Variants in ANO6 observed in about 807,000 individuals in gnomAD.
ANO6 encodes the protein anoctamin 6, also known as anoctamin-6.
Under a neutral mutation model 117.5 loss-of-function variants are expected in ANO6, and 106 were observed. The ratio of observed to expected loss-of-function variants is 0.90; its 90% CI spans 0.77 to 1.06. The LOEUF (loss-of-function observed/expected upper bound fraction) is 1.06, where lower values mean the gene tolerates loss of function less well. Among genes scored for constraint, ANO6 ranks in the 50% least tolerant of loss-of-function variants. The pLI is 0.00. For missense variants in ANO6, 955 were observed against 1,121.1 expected, an observed-to-expected ratio of 0.85 and a Z score of 2.12; for synonymous variants, 367 against 385.1, an observed-to-expected ratio of 0.95 and a Z score of 0.55.
Position 45,432,204 on chromosome 12 carries a change from CAT to C in ANO6, c.*2894_*2895del. The C allele has an allele frequency of 1.0e-6, 1 of 984,138 alleles. No individual in the cohort carries two copies. Among genetic ancestry groups the C allele is most frequent in the Non-Finnish European group, 1.2e-6 (1 of 829,218 alleles). The allele number at this position is 984,138 out of a possible 1,614,324, so 61.0% of individuals were successfully genotyped here. Reference sequence around the variant, plus strand: ...AGAACTATTCATGATGCTTTTCACACATTGTGGCATAAGATGTAAAGTTTGTA... The same window carrying C: ...AGAACTATTCATGATGCTTTTCACACTGTGGCATAAGATGTAAAGTTTGTA... On this transcript the variant is annotated 3_prime_UTR_variant, in exon 20 of 20. Coordinates refer to ENST00000320560, the MANE Select transcript of ANO6 (RefSeq NM_001025356.3).
chr12:45,216,184 G>A lies in ANO6; in HGVS notation c.-138G>A. The A allele has an allele frequency of 2.0e-6, 2 of 1,001,846 alleles. No individual in the cohort carries two copies. Among genetic ancestry groups the A allele is most frequent in the Non-Finnish European group, 3.0e-6 (2 of 666,600 alleles). The allele number at this position is 1,001,846 out of a possible 1,614,324, so 62.1% of individuals were successfully genotyped here. On this transcript the variant is annotated 5_prime_UTR_variant, in exon 1 of 20. Transcript: ENST00000320560. The stretch of plus-strand genomic sequence containing the variant: ...CCTCGGCTCGGCTTTCCCCGGCGCT[G>A]GCTGGGCTCAGCGGCCCCTGAGCCC...
Position 45,422,968 on chromosome 12 carries a change from T to G in ANO6, c.2432T>G (p.Phe811Cys). 2 of 1,612,390 alleles carry G rather than the reference T, an allele frequency of 1.2e-6. No individual in the cohort carries two copies. Among genetic ancestry groups the G allele is most frequent in the Non-Finnish European group, 1.7e-6 (2 of 1,178,382 alleles). The change falls in exon 19 of 20, where the codon TTC (phenylalanine) becomes TGC (cysteine). Residue 811 changes from phenylalanine (F) to cysteine (C), a missense_variant. Physicochemically the swap from Phe to Cys is radical, Grantham distance 205 (BLOSUM62 -2). Coordinates refer to ENST00000320560, the MANE Select transcript of ANO6 (RefSeq NM_001025356.3). ...GNHTTCRYRD[F>C]RYPPGHPQEY... ...CATTTTGTTTTCAGGTATCGTGATTTCCGATACCCACCTGGACACCCCCAG... is the reference window on the plus strand; with the variant it reads ...CATTTTGTTTTCAGGTATCGTGATTGCCGATACCCACCTGGACACCCCCAG...
intron 1 of ANO6, among the ~76,000 whole-genome samples, chr12:45,247,029 G>A (rs191186304): frequency 1.2e-4 from 19 of 152,182 alleles, no homozygotes; most frequent in Non-Finnish European, 2.6e-4. Context: ...CCTCCTGGGC[G>A]ATTCTCCTGC....
At chr12:45,244,403 TG>T (rs59579814) in intron 1 of ANO6, among the ~76,000 whole-genome samples, 16,722 of 71,934 alleles carry the variant, frequency 0.23, 1,307 homozygotes, top group East Asian at 0.39. Context: ...CTTCTCTATT[TG>T]GGGGGGGGGG....
At chr12:45,352,612 T>C (rs948742694) in intron 7 of ANO6, among the ~76,000 whole-genome samples, 1 of 147,184 alleles carries the variant, frequency 6.8e-6, no homozygotes, top group African/African-American at 2.5e-5. Flanking sequence ...ACACCTGTAG[T>C]CCCAGCTACT....
At chr12:45,272,884 G>A (rs1938436272) in intron 1 of ANO6, among the ~76,000 whole-genome samples, 1 of 152,136 alleles carries the variant, frequency 6.6e-6, no homozygotes, top group Non-Finnish European at 1.5e-5. Flanking sequence ...ATTCACAATA[G>A]TCAAGATATG....
intron 1 of ANO6, among the ~76,000 whole-genome samples, 157 bp downstream of exon 1, chr12:45,216,548 T>G (rs1215505527): frequency 6.6e-6 from 1 of 152,118 alleles, no homozygotes; most frequent in Non-Finnish European, 1.5e-5. Flanking sequence ...CCCGGCTGCT[T>G]GCAGACTGAG....
intron 9 of ANO6, among the ~76,000 whole-genome samples, chr12:45,368,919 G>A (rs535229149): frequency 2.8e-4 from 42 of 152,258 alleles, no homozygotes; most frequent in African/African-American, 8.9e-4. Flanking sequence ...TTTTTACAGC[G>A]TAAAATACTG....
At chr12:45,321,328 C>T (rs1241127140) in intron 2 of ANO6, among the ~76,000 whole-genome samples, 3 of 152,064 alleles carry the variant, frequency 2.0e-5, no homozygotes, top group Admixed American at 6.6e-5. Flanking sequence ...AATAAATTTT[C>T]GCTACTTGCC....
intron 1 of ANO6, among the ~76,000 whole-genome samples, chr12:45,218,704 A>C (rs948290034): frequency 3.2e-4 from 48 of 152,216 alleles, no homozygotes; most frequent in African/African-American, 1.1e-3. Context: ...ATAGTGGTCC[A>C]AAGCCTTTTA....
chr12:45,230,483 A>G (rs1268481059), intron 1 of ANO6, among the ~76,000 whole-genome samples: 2 of 150,154 alleles, frequency 1.3e-5, no homozygotes, highest in African/African-American at 2.4e-5. Flanking sequence ...CATAATTGAT[A>G]TATATAAAAT....
At chr12:45,248,772 T>C (rs1400716760) in intron 1 of ANO6, among the ~76,000 whole-genome samples, 3 of 152,198 alleles carry the variant, frequency 2.0e-5, no homozygotes, top group African/African-American at 7.2e-5. Context: ...TCAACTGACC[T>C]GAAGGAATAT....
chr12:45,253,641 G>A (rs969204725), intron 1 of ANO6, among the ~76,000 whole-genome samples: 1 of 152,204 alleles, frequency 6.6e-6, no homozygotes, highest in Non-Finnish European at 1.5e-5. Context: ...TTACATGAAT[G>A]TGCAGGTTAC....
At chr12:45,310,830 A>C (rs1024964202) in intron 2 of ANO6, among the ~76,000 whole-genome samples, 1 of 152,046 alleles carries the variant, frequency 6.6e-6, no homozygotes, top group Non-Finnish European at 1.5e-5. Context: ...AAAGGGGTGA[A>C]GTTAGGGTAG....
intron 1 of ANO6, among the ~76,000 whole-genome samples, chr12:45,231,744 A>G (rs543085929): frequency 2.6e-5 from 4 of 152,182 alleles, no homozygotes; most frequent in South Asian, 4.1e-4. Context: ...ACATGCTTCT[A>G]TAACGGGCAT....
At chr12:45,332,042 T>C (rs1383228672) in intron 3 of ANO6, among the ~76,000 whole-genome samples, 1 of 152,002 alleles carries the variant, frequency 6.6e-6, no homozygotes, top group African/African-American at 2.4e-5. Context: ...GTCAAGCTGC[T>C]CTCTTCTCCC....
chr12:45,369,656 T>C (rs986353096), intron 9 of ANO6, among the ~76,000 whole-genome samples: 3 of 152,188 alleles, frequency 2.0e-5, no homozygotes, highest in Admixed American at 6.5e-5. Context: ...AAAAGCACTT[T>C]TTCTGGCTTT....
intron 1 of ANO6, among the ~76,000 whole-genome samples, chr12:45,291,866 A>G (rs1939112238): frequency 6.6e-6 from 1 of 152,166 alleles, no homozygotes. Flanking sequence ...TACATTGCTG[A>G]TGGGACTGTA....
At chr12:45,378,191 CT>C in intron 10 of ANO6, 78 bp downstream of exon 10, 1 of 1,391,816 alleles carries the variant, frequency 7.2e-7, no homozygotes, top group Non-Finnish European at 1.0e-6. Context: ...AAGTAACCCA[CT>C]TTTAGGATCT....
Sources: gnomAD v4.1 joint callset for allele counts (sites outside exome capture counted in the v4.1 genomes callset) on GRCh38, gnomAD v4.1.1 for gene constraint, MANE v1.5 for transcripts, NCBI Gene and HGNC (gene_info 2026-07-23, HGNC 2026-07-21) for gene names.